The following GRIN2B variants were observed in gnomAD, a reference collection of about 807,000 sequenced individuals.
The protein encoded by GRIN2B is glutamate ionotropic receptor NMDA type subunit 2B.
A neutral mutation model predicts 114.5 loss-of-function variants in GRIN2B; 5 were observed. The observed-to-expected ratio is 0.04, with a 90% CI of 0.02 to 0.09. The LOEUF is 0.09. Among genes scored for constraint, GRIN2B ranks in the 10% least tolerant of loss-of-function variants. The probability of loss-of-function intolerance (pLI) is 1.00; values close to 1 mark genes in which losing one functional copy is unlikely to be tolerated. For missense variants in GRIN2B, 1,108 were observed against 1,943.5 expected (o/e 0.57, Z 8.08); for synonymous variants, 787 against 745.1 (o/e 1.06, Z -0.92).
intron 2 of GRIN2B, among the ~76,000 whole-genome samples, chr12:13,963,057 C>G (rs1867725215): frequency 6.6e-6 from 1 of 152,196 alleles, no homozygotes; most frequent in African/African-American, 2.4e-5. Context: ...CCCTCCTTAA[C>G]ACACAGGTGG....
intron 10 of GRIN2B, among the ~76,000 whole-genome samples, chr12:13,581,909 C>A (rs1029260756): frequency 0.014 from 1,667 of 119,640 alleles, no homozygotes; most frequent in Middle Eastern, 0.019. Flanking sequence ...GACTTTGTCT[C>A]AAAAAAAAAA....
chr12:13,921,768 C>T (rs1312104660), intron 2 of GRIN2B, among the ~76,000 whole-genome samples: 1 of 152,046 alleles, frequency 6.6e-6, no homozygotes, highest in Admixed American at 6.6e-5. Context: ...GGGAAGACAC[C>T]ATGTCTAATG....
upstream of GRIN2B, among the ~76,000 whole-genome samples, chr12:13,981,765 C>CAGGAGGGG (rs897625481): frequency 6.8e-6 from 1 of 146,840 alleles, no homozygotes; most frequent in African/African-American, 2.5e-5. Flanking sequence ...AGAGGGAGAG[C>CAGGAGGGG]AGGAGGGGAG....
chr12:13,741,270 T>C (rs779919294), intron 4 of GRIN2B, among the ~76,000 whole-genome samples: 1 of 152,100 alleles, frequency 6.6e-6, no homozygotes, highest in Non-Finnish European at 1.5e-5. Flanking sequence ...GACCTCATGA[T>C]CCACCCACCT....
chr12:13,817,117 G>T (rs534766634), intron 3 of GRIN2B, among the ~76,000 whole-genome samples: 1 of 151,786 alleles, frequency 6.6e-6, no homozygotes, highest in Non-Finnish European at 1.5e-5. Flanking sequence ...CTATCCCTTG[G>T]TCATAATTTT....
chr12:13,739,557 G>T (rs1255098253), intron 4 of GRIN2B, among the ~76,000 whole-genome samples: 1 of 152,006 alleles, frequency 6.6e-6, no homozygotes, highest in Non-Finnish European at 1.5e-5. Flanking sequence ...GTCTCTCCTG[G>T]CCAGAGAGAT....
At chr12:13,648,274 C>T (rs1949781616) in intron 5 of GRIN2B, among the ~76,000 whole-genome samples, 1 of 152,032 alleles carries the variant, frequency 6.6e-6, no homozygotes, top group African/African-American at 2.4e-5. Flanking sequence ...AGGCCCAGGG[C>T]TGAGTGCTGT....
At chr12:13,970,184 G>A (rs1591646933) in intron 2 of GRIN2B, among the ~76,000 whole-genome samples, 1 of 152,304 alleles carries the variant, frequency 6.6e-6, no homozygotes, top group South Asian at 2.1e-4. Context: ...GATGAGCCTT[G>A]AGGAATGAAC....
chr12:13,852,925 C>T (rs963037204), intron 3 of GRIN2B, among the ~76,000 whole-genome samples: 8 of 152,126 alleles, frequency 5.3e-5, no homozygotes, highest in South Asian at 2.1e-4. Context: ...CAGCCAACTC[C>T]GGAGCACCTC....
intron 3 of GRIN2B, among the ~76,000 whole-genome samples, chr12:13,853,148 A>G (rs61914286): frequency 6.6e-6 from 1 of 152,130 alleles, no homozygotes; most frequent in Non-Finnish European, 1.5e-5. Flanking sequence ...ATAGCTCACA[A>G]TACCTCTTTC....
At chr12:13,958,009 C>T (rs1466285245) in intron 2 of GRIN2B, among the ~76,000 whole-genome samples, 1 of 152,202 alleles carries the variant, frequency 6.6e-6, no homozygotes, top group African/African-American at 2.4e-5. Flanking sequence ...TCACAGGTGG[C>T]TAGTGGCTAT....
intron 10 of GRIN2B, among the ~76,000 whole-genome samples, chr12:13,601,138 G>C (rs1949152583): frequency 6.6e-6 from 1 of 152,216 alleles, no homozygotes; most frequent in African/African-American, 2.4e-5. Context: ...TACAGAAGAA[G>C]TTGTGAAGGC....
At chr12:13,749,413 G>C (rs949330203) in intron 4 of GRIN2B, among the ~76,000 whole-genome samples, 2 of 152,220 alleles carry the variant, frequency 1.3e-5, no homozygotes, top group African/African-American at 2.4e-5. Context: ...CAGAAGGTGA[G>C]AGGAGAAGCC....
intron 10 of GRIN2B, among the ~76,000 whole-genome samples, chr12:13,585,570 C>T (rs1035830006): frequency 2.6e-5 from 4 of 152,194 alleles, no homozygotes; most frequent in Non-Finnish European, 5.9e-5. Flanking sequence ...CACAACGGAC[C>T]ATCACAGGAG....
In GRIN2B at chr12:13,903,990, T is replaced by C. The variant is rs139461702; in HGVS notation, c.-18-37764A>G. On this transcript the variant is annotated intron_variant, in intron 2 of 13. Transcript: ENST00000609686. The stretch of plus-strand genomic sequence containing the variant: ...TCTGATGTTAATATAGGTATATTAG[T>C]GTTATTTTGACTAATATTTGCATGG... 2.0e-4 allele frequency among the ~76,000 whole-genome samples: 30 copies of C among 152,156 alleles called. No homozygotes were observed. In the East Asian group the frequency reaches 4.2e-3, roughly 22 times the overall value.
intron 3 of GRIN2B, among the ~76,000 whole-genome samples, chr12:13,838,235 CA>C (rs987796040): frequency 6.6e-6 from 1 of 152,174 alleles, no homozygotes; most frequent in African/African-American, 2.4e-5. Context: ...CTCCTCAAGA[CA>C]AAGCCTGAAG....
intron 3 of GRIN2B, among the ~76,000 whole-genome samples, chr12:13,847,796 A>C (rs1264702298): frequency 6.6e-6 from 1 of 152,180 alleles, no homozygotes; most frequent in African/African-American, 2.4e-5. Context: ...CCATGAGGGC[A>C]GGGAAAAGCA....
Position 13,554,660 on chromosome 12 carries a change from C to G in GRIN2B, c.*8123G>C, listed in dbSNP as rs1001146602. 9.2e-5 allele frequency: 14 copies of G among 151,886 alleles called. No homozygotes were observed. The highest frequency in any genetic ancestry group is 1.9e-4 in the Non-Finnish European group (13 of 67,952). 9.4% of individuals were successfully genotyped at this position (151,886 alleles called of 1,614,324 possible). ...TTTATATGTAGGAAGTGAGTACTGA[C>G]AAGAGTAGATTCAAATATAAAATAT... On this transcript the variant is annotated 3_prime_UTR_variant, in exon 14 of 14. Transcript: ENST00000609686.
intron 4 of GRIN2B, among the ~76,000 whole-genome samples, chr12:13,718,451 T>C (rs1331104292): frequency 6.6e-6 from 1 of 151,996 alleles, no homozygotes; most frequent in Non-Finnish European, 1.5e-5. Flanking sequence ...AGACCCGGAC[T>C]GGACCGAGGC....
Sources: gnomAD v4.1 joint callset for allele counts (sites outside exome capture counted in the v4.1 genomes callset) on GRCh38, gnomAD v4.1.1 for gene constraint, MANE v1.5 for transcripts, NCBI Gene and HGNC (gene_info 2026-07-23, HGNC 2026-07-21) for gene names.